NT5DC1: variants seen among roughly 807,000 people sequenced by gnomAD.
The protein encoded by NT5DC1 is 5'-nucleotidase domain containing 1.
NT5DC1 carries 42 observed loss-of-function variants against 59.4 expected under a neutral mutation model. The observed-to-expected ratio is 0.71, with a 90% CI of 0.55 to 0.92. The LOEUF (loss-of-function observed/expected upper bound fraction) is 0.92, where lower values mean the gene tolerates loss of function less well. NT5DC1 is among the 40% of genes least tolerant of loss of function. NT5DC1 has a pLI of 0.00. For synonymous variants in NT5DC1, 172 were observed against 188.1 expected (o/e 0.91, Z 0.70); for missense variants, 501 against 537.1 (o/e 0.93, Z 0.66).
chr6:116,116,426 G>A (rs1442841179), intron 5 of NT5DC1, among the ~76,000 whole-genome samples: 1 of 152,152 alleles, frequency 6.6e-6, no homozygotes, highest in Non-Finnish European at 1.5e-5. Flanking sequence ...GGCGGATCAC[G>A]AAGTCAGGAG....
chr6:116,152,716 C>T (rs1348719752), intron 6 of NT5DC1, among the ~76,000 whole-genome samples: 1 of 152,126 alleles, frequency 6.6e-6, no homozygotes, highest in Admixed American at 6.6e-5. Context: ...CTTTTTACAG[C>T]CATACTTCTT....
intron 6 of NT5DC1, among the ~76,000 whole-genome samples, chr6:116,181,018 T>C (rs1780860809): frequency 6.6e-6 from 1 of 152,066 alleles, no homozygotes; most frequent in Non-Finnish European, 1.5e-5. Context: ...CACTTAGATA[T>C]ACATACTTAA....
intron 7 of NT5DC1, among the ~76,000 whole-genome samples, chr6:116,222,007 G>A (rs943534089): frequency 2.0e-5 from 3 of 152,120 alleles, no homozygotes; most frequent in Non-Finnish European, 2.9e-5. Flanking sequence ...ATCAAATACC[G>A]AATTGCCATG....
At chr6:116,179,392 TGACA>T (rs1317131825) in intron 6 of NT5DC1, among the ~76,000 whole-genome samples, 1 of 152,004 alleles carries the variant, frequency 6.6e-6, no homozygotes, top group Non-Finnish European at 1.5e-5. Flanking sequence ...TTCATGCATC[TGACA>T]AAGGACTAAT....
At chr6:116,181,601 C>CT (rs1267388723) in intron 6 of NT5DC1, among the ~76,000 whole-genome samples, 3 of 151,974 alleles carry the variant, frequency 2.0e-5, no homozygotes, top group Non-Finnish European at 1.5e-5. Flanking sequence ...ATTGTCACCA[C>CT]TTTTTTTCAT....
At chr6:116,180,412 T>C (rs1780849992) in intron 6 of NT5DC1, among the ~76,000 whole-genome samples, 1 of 152,092 alleles carries the variant, frequency 6.6e-6, no homozygotes, top group African/African-American at 2.4e-5. Flanking sequence ...AGAATTGATA[T>C]GTCACACTTT....
chr6:116,184,353 TA>T (rs1443460430), intron 6 of NT5DC1, among the ~76,000 whole-genome samples: 1 of 152,072 alleles, frequency 6.6e-6, no homozygotes, highest in African/African-American at 2.4e-5. Context: ...TACTAGCCTG[TA>T]GTTTTCTTTA....
chr6:116,126,204 C>T (rs1240073496), intron 6 of NT5DC1: 1 of 152,190 alleles, frequency 6.6e-6, no homozygotes, highest in East Asian at 1.9e-4. Flanking sequence ...TGAGCTTAAG[C>T]TCCTCCCCTC....
intron 6 of NT5DC1, among the ~76,000 whole-genome samples, chr6:116,174,859 A>G (rs1345282251): frequency 6.6e-6 from 1 of 152,182 alleles, no homozygotes; most frequent in Non-Finnish European, 1.5e-5. Context: ...GTTCCCTACA[A>G]ACACTACATA....
intron 10 of NT5DC1, 79 bp downstream of exon 10, chr6:116,238,427 T>C: frequency 2.7e-6 from 2 of 751,902 alleles, no homozygotes; most frequent in Non-Finnish European, 3.7e-6. Context: ...ACTACTTGAC[T>C]CCAAAATTGT....
chr6:116,124,852 G>A (rs187791829), intron 6 of NT5DC1, among the ~76,000 whole-genome samples: 4 of 152,034 alleles, frequency 2.6e-5, no homozygotes, highest in Non-Finnish European at 5.9e-5. Context: ...GTTCATTGTT[G>A]GGGGGGAGGC....
chr6:116,203,327 A>T (rs1459176150), intron 6 of NT5DC1, among the ~76,000 whole-genome samples: 1 of 151,990 alleles, frequency 6.6e-6, no homozygotes, highest in Admixed American at 6.6e-5. Context: ...AAATGTGAAC[A>T]TATTTTCAGC....
intron 6 of NT5DC1, chr6:116,125,350 A>C: frequency 6.2e-7 from 1 of 1,613,658 alleles, no homozygotes. Flanking sequence ...TTTACTCTTT[A>C]TGGTGTAGGG....
intron 6 of NT5DC1, among the ~76,000 whole-genome samples, chr6:116,210,864 A>G (rs1781562611): frequency 6.6e-6 from 1 of 152,048 alleles, no homozygotes; most frequent in Non-Finnish European, 1.5e-5. Context: ...AACAGAAAAT[A>G]TACTGGCAGG....
chr6:116,193,532 T>G (rs760518550), intron 6 of NT5DC1, among the ~76,000 whole-genome samples: 107 of 152,088 alleles, frequency 7.0e-4, no homozygotes, highest in Non-Finnish European at 1.0e-3. Flanking sequence ...TCCTAATTTA[T>G]GGATTGAGAG....
At chr6:116,193,292 G>C (rs1184545117) in intron 6 of NT5DC1, among the ~76,000 whole-genome samples, 2 of 151,990 alleles carry the variant, frequency 1.3e-5, no homozygotes, top group Non-Finnish European at 2.9e-5. Flanking sequence ...TTCCTTATAG[G>C]AGTGCTGTGA....
intron 6 of NT5DC1, among the ~76,000 whole-genome samples, chr6:116,127,333 A>G (rs981723758): frequency 3.9e-5 from 6 of 152,264 alleles, no homozygotes; most frequent in South Asian, 2.1e-4. Context: ...ATGTAAATGG[A>G]TAAGGCATCT....
intron 6 of NT5DC1, among the ~76,000 whole-genome samples, chr6:116,135,656 A>C (rs1282773589): frequency 6.6e-6 from 1 of 151,520 alleles, no homozygotes; most frequent in East Asian, 1.9e-4. Context: ...TTCAACTAAC[A>C]AACATTTTTT....
intron 6 of NT5DC1, among the ~76,000 whole-genome samples, chr6:116,148,545 C>G (rs1310463702): frequency 1.3e-5 from 2 of 152,048 alleles, no homozygotes; most frequent in Non-Finnish European, 2.9e-5. Context: ...TTTCATTGTA[C>G]TCAGAATGTG....
Sources: gnomAD v4.1 joint callset for allele counts (sites outside exome capture counted in the v4.1 genomes callset) on GRCh38, gnomAD v4.1.1 for gene constraint, MANE v1.5 for transcripts, NCBI Gene and HGNC (gene_info 2026-07-23, HGNC 2026-07-21) for gene names.